Variants in ATP11B observed in about 807,000 individuals in gnomAD.
The protein encoded by ATP11B is phospholipid-transporting ATPase IF.
A neutral mutation model predicts 157.8 loss-of-function variants in ATP11B; 81 were observed. That is an observed-to-expected ratio of 0.51 (90% CI 0.43 to 0.62). ATP11B has a LOEUF of 0.62. ATP11B is among the 20% of genes least tolerant of loss of function. ATP11B has a pLI of 0.00. For missense variants in ATP11B, 1,165 were observed against 1,402.2 expected (o/e 0.83, Z 2.70); for synonymous variants, 451 against 469.4 (o/e 0.96, Z 0.51).
rs114513455 is a variant in ATP11B, at chr3:182,915,216, A to T, written c.3452+1222A>T. 2.9e-3 allele frequency: 2,847 copies of T among 985,364 alleles called. 59 individuals carry two copies. The African/African-American group carries it at 0.041, about 14-fold the overall frequency. 61.0% of individuals were successfully genotyped at this position (985,364 alleles called of 1,614,324 possible). On this transcript the variant is annotated intron_variant, in intron 29 of 29. Coordinates refer to ENST00000323116, the MANE Select transcript of ATP11B (RefSeq NM_014616.3). ...TTTAGCTTAGCCATGCCTTTATGAT[A>T]CAATTGAATTTATAAATAGCATTCT... is the stretch of plus-strand genomic sequence containing the variant.
At chr3:182,864,280 A>G (rs568892245) in intron 12 of ATP11B, among the ~76,000 whole-genome samples, 1 of 152,272 alleles carries the variant, frequency 6.6e-6, no homozygotes, top group South Asian at 2.1e-4. Context: ...TGTCATGGCT[A>G]GAACCTTAAG....
intron 9 of ATP11B, among the ~76,000 whole-genome samples, chr3:182,847,873 AC>A (rs1402685744): frequency 2.6e-5 from 4 of 152,224 alleles, no homozygotes; most frequent in Non-Finnish European, 4.4e-5. Context: ...AGCTGGTCTC[AC>A]CTAATTCCAT....
chr3:182,838,967 C>G (rs1259168727), intron 7 of ATP11B, among the ~76,000 whole-genome samples: 1 of 151,988 alleles, frequency 6.6e-6, no homozygotes, highest in Non-Finnish European at 1.5e-5. Context: ...AAAGTTGGGG[C>G]TCTCATATGA....
At chr3:182,797,788 T>C (rs2108479096) in intron 1 of ATP11B, among the ~76,000 whole-genome samples, 1 of 152,328 alleles carries the variant, frequency 6.6e-6, no homozygotes, top group African/African-American at 2.4e-5. Flanking sequence ...ATTTTACATA[T>C]ATAGGTAAAG....
At chr3:182,807,484 C>T (rs531218419) in intron 1 of ATP11B, among the ~76,000 whole-genome samples, 2 of 152,090 alleles carry the variant, frequency 1.3e-5, no homozygotes, top group Non-Finnish European at 2.9e-5. Flanking sequence ...GCAATGTGTA[C>T]ATTGATTTTA....
rs1467061129 is a variant in ATP11B at position 182,840,080 on chromosome 3, C to A, written c.657-1995C>A. On this transcript the variant is annotated intron_variant, in intron 7 of 29. Transcript: ENST00000323116. ...TGCATGTACTAGAACCTAACCATTC[C>A]CCAACCTTTCCATACTTGACTCCTT... 3.3e-5 allele frequency among the ~76,000 whole-genome samples: 5 copies of A among 152,178 alleles called. No homozygotes were observed. In the East Asian group the frequency reaches 9.6e-4, roughly 29 times the overall value.
At chr3:182,837,649 AT>A (rs1379737183) in intron 7 of ATP11B, among the ~76,000 whole-genome samples, 10 of 152,122 alleles carry the variant, frequency 6.6e-5, no homozygotes, top group African/African-American at 2.4e-4. Flanking sequence ...AAAGTAAAAA[AT>A]AATTTTCTAT....
intron 10 of ATP11B, among the ~76,000 whole-genome samples, chr3:182,851,962 G>C (rs920253987): frequency 6.6e-6 from 1 of 152,172 alleles, no homozygotes; most frequent in Non-Finnish European, 1.5e-5. Context: ...TATGTATATT[G>C]TAAGCCTATG....
At chr3:182,915,786 C>T (rs1399305318) in intron 29 of ATP11B, 4 of 984,180 alleles carry the variant, frequency 4.1e-6, no homozygotes, top group Non-Finnish European at 4.8e-6. Flanking sequence ...ATTGAATTTA[C>T]TTTTACATGT....
At chr3:182,871,726 A>G (rs912564556) in intron 17 of ATP11B, among the ~76,000 whole-genome samples, 4 of 152,212 alleles carry the variant, frequency 2.6e-5, no homozygotes, top group African/African-American at 9.7e-5. Context: ...CTTTCCATGT[A>G]ACACAGTTTA....
chr3:182,872,134 A>G (rs113486985), intron 17 of ATP11B, among the ~76,000 whole-genome samples: 64 of 152,352 alleles, frequency 4.2e-4, no homozygotes, highest in African/African-American at 1.4e-3. Context: ...CAACTTCTTA[A>G]GAAAACATCA....
At chr3:182,800,229 A>AT (rs575713160) in intron 1 of ATP11B, among the ~76,000 whole-genome samples, 182 of 149,904 alleles carry the variant, frequency 1.2e-3, no homozygotes, top group African/African-American at 3.4e-3. Flanking sequence ...TATATATATA[A>AT]TTTTTTTTTT....
At chr3:182,814,827 GA>G (rs1216349680) in intron 1 of ATP11B, among the ~76,000 whole-genome samples, 1 of 152,094 alleles carries the variant, frequency 6.6e-6, no homozygotes, top group Admixed American at 6.6e-5. Context: ...TTATAGTCTG[GA>G]GGGGGAGATA....
intron 2 of ATP11B, among the ~76,000 whole-genome samples, chr3:182,820,841 T>C (rs1001933066): frequency 4.6e-5 from 7 of 152,168 alleles, no homozygotes; most frequent in African/African-American, 1.4e-4. Context: ...ATTGCTGATA[T>C]CAGTAGCCCA....
At chr3:182,820,432 C>G in intron 2 of ATP11B, 56 bp downstream of exon 2, 1 of 1,238,326 alleles carries the variant, frequency 8.1e-7, no homozygotes, top group Non-Finnish European at 1.2e-6. Context: ...ACCCATCATC[C>G]CAGCACTTTG....
At chr3:182,841,377 C>T (rs1250804627) in intron 7 of ATP11B, among the ~76,000 whole-genome samples, 1 of 152,152 alleles carries the variant, frequency 6.6e-6, no homozygotes, top group Non-Finnish European at 1.5e-5. Flanking sequence ...TCTCAAGCAC[C>T]TAGAACAGTA....
intron 4 of ATP11B, among the ~76,000 whole-genome samples, chr3:182,835,530 G>T (rs903872511): frequency 4.6e-5 from 7 of 152,116 alleles, no homozygotes; most frequent in African/African-American, 1.7e-4. Context: ...GGAAACATTG[G>T]ACATGCAGCA....
chr3:182,817,646 A>T (rs542587569), intron 1 of ATP11B, among the ~76,000 whole-genome samples: 1 of 152,198 alleles, frequency 6.6e-6, no homozygotes, highest in Non-Finnish European at 1.5e-5. Context: ...AAATTTTAGT[A>T]TGTGGTCATT....
In ATP11B at chr3:182,889,483, T is replaced by C. The variant is rs779421698; in HGVS notation, c.2917T>C (p.Phe973Leu). The C allele has an allele frequency of 5.7e-6, 9 of 1,575,322 alleles. No homozygotes were observed. The highest frequency in any genetic ancestry group is 1.7e-4 in the Middle Eastern group (1 of 5,974). The change falls in exon 25 of 30, where the codon TTT becomes CTT. Residue 973 changes from phenylalanine to leucine, a missense_variant. By Grantham distance (22) the Phe-to-Leu change is conservative (BLOSUM62 0). Transcript: ENST00000323116. ...YWTILGFSHA[F>L]IFFFGSYLLI... ...GACCATCCTGGGCTTCAGTCATGCC[T>C]TTATTTTCTTTTTTGGATCCTATTT...
Sources: gnomAD v4.1 joint callset for allele counts (sites outside exome capture counted in the v4.1 genomes callset) on GRCh38, gnomAD v4.1.1 for gene constraint, MANE v1.5 for transcripts, NCBI Gene and HGNC (gene_info 2026-07-23, HGNC 2026-07-21) for gene names.